PRR16: variants seen among roughly 807,000 people sequenced by gnomAD.
PRR16 encodes the protein protein Largen.
PRR16 carries 6 observed loss-of-function variants against 18.2 expected under a neutral mutation model. The observed-to-expected ratio is 0.33, with a 90% CI of 0.18 to 0.65. PRR16 has a LOEUF of 0.65. Ranked by LOEUF, PRR16 falls within the 30% of genes least tolerant of loss-of-function variation. The pLI, the probability that PRR16 is intolerant of heterozygous loss-of-function variation, is 0.74. For synonymous variants in PRR16, 151 were observed against 147.8 expected, an observed-to-expected ratio of 1.02 and a Z score of -0.16; for missense variants, 412 against 376.6, an observed-to-expected ratio of 1.09 and a Z score of -0.78.
intron 1 of PRR16, among the ~76,000 whole-genome samples, chr5:120,624,699 G>T (rs1248298197): frequency 6.6e-6 from 1 of 152,104 alleles, no homozygotes; most frequent in Admixed American, 6.6e-5. Context: ...AACTGCTCCT[G>T]ATCATAATGT....
At chr5:120,604,315 T>A (rs1240512405) in intron 1 of PRR16, among the ~76,000 whole-genome samples, 1 of 152,130 alleles carries the variant, frequency 6.6e-6, no homozygotes, top group African/African-American at 2.4e-5. Flanking sequence ...ATATCCTTCC[T>A]TGTCCTTTTT....
chr5:120,558,071 G>A (rs1752471552), intron 1 of PRR16, among the ~76,000 whole-genome samples: 1 of 151,784 alleles, frequency 6.6e-6, no homozygotes, highest in Non-Finnish European at 1.5e-5. Flanking sequence ...ATACAGTCAT[G>A]CAATGCATAA....
Position 120,623,926 on chromosome 5 carries a change from G to A in PRR16, c.160-62028G>A, listed in dbSNP as rs562869759. On this transcript the variant is annotated intron_variant, in intron 1 of 1. Coordinates refer to ENST00000407149, the MANE Select transcript of PRR16 (RefSeq NM_001300783.2). ...CATAATATATAATAATATATTATTT[G>A]TATATAACAACTATTAATGTAGAGA... 4.0e-5 allele frequency among the ~76,000 whole-genome samples: 6 copies of A among 151,860 alleles called. No individual in the cohort carries two copies. In the East Asian group the frequency reaches 1.2e-3, roughly 29 times the overall value.
At chr5:120,674,358 A>G (rs1756723313) in intron 1 of PRR16, among the ~76,000 whole-genome samples, 1 of 152,154 alleles carries the variant, frequency 6.6e-6, no homozygotes. Context: ...TATCTCGTTA[A>G]TTAACTTTTA....
At chr5:120,781,113 C>G in the PRR16 span, 1 of 152,000 alleles carries the variant, frequency 6.6e-6, no homozygotes, top group Non-Finnish European at 1.5e-5. Flanking sequence ...TTTATTTCAA[C>G]TGAATTAATT....
chr5:120,529,310 G>T (rs1485194358), intron 1 of PRR16, among the ~76,000 whole-genome samples: 2 of 152,246 alleles, frequency 1.3e-5, no homozygotes, highest in Admixed American at 6.5e-5. Context: ...ACATAAAATT[G>T]ATGCGGAGGC....
chr5:120,709,300 C>T, the PRR16 span, among the ~76,000 whole-genome samples: 6 of 151,986 alleles, frequency 3.9e-5, no homozygotes, highest in African/African-American at 1.5e-4. Flanking sequence ...AGCCACCGCA[C>T]CCGGCCGCAA....
chr5:120,470,523 A>G (rs1257401709), intron 1 of PRR16, among the ~76,000 whole-genome samples: 2 of 152,172 alleles, frequency 1.3e-5, no homozygotes, highest in African/African-American at 4.8e-5. Context: ...TTCTTGAATG[A>G]TATAGATCGT....
At chr5:120,517,263 A>G (rs17491078) in intron 1 of PRR16, among the ~76,000 whole-genome samples, 29,252 of 152,078 alleles carry the variant, frequency 0.19, 3,000 homozygotes, top group Middle Eastern at 0.24. Context: ...GAGTAGTACA[A>G]TCAATGCATG....
the PRR16 span, among the ~76,000 whole-genome samples, chr5:120,694,475 G>T: frequency 6.6e-6 from 1 of 152,024 alleles, no homozygotes; most frequent in Admixed American, 6.6e-5. Flanking sequence ...ACGAGGTCAG[G>T]AGATCGAGAC....
At chr5:120,655,387 T>TAA (rs778038205) in intron 1 of PRR16, among the ~76,000 whole-genome samples, 157 of 100,204 alleles carry the variant, frequency 1.6e-3, no homozygotes, top group African/African-American at 4.2e-3. Context: ...TTTTTTTTTT[T>TAA]TAAAAAAAAA....
At chr5:120,581,739 A>C (rs187204178) in intron 1 of PRR16, among the ~76,000 whole-genome samples, 2 of 152,090 alleles carry the variant, frequency 1.3e-5, no homozygotes, top group African/African-American at 4.8e-5. Flanking sequence ...CCTTGGTTTC[A>C]AAAAACTTGA....
intron 1 of PRR16, among the ~76,000 whole-genome samples, chr5:120,568,275 T>C (rs1382756186): frequency 6.6e-6 from 1 of 152,098 alleles, no homozygotes; most frequent in East Asian, 1.9e-4. Context: ...CTCAGGGACA[T>C]TGTGGATCGA....
intron 1 of PRR16, among the ~76,000 whole-genome samples, chr5:120,497,049 A>G (rs10065330): frequency 0.27 from 41,587 of 151,994 alleles, 7,013 homozygotes; most frequent in African/African-American, 0.48. Context: ...ATTTGATTCT[A>G]TTGAAGTAAG....
intron 1 of PRR16, among the ~76,000 whole-genome samples, chr5:120,503,975 T>C (rs1029826109): frequency 3.3e-5 from 5 of 152,130 alleles, no homozygotes; most frequent in African/African-American, 1.2e-4. Context: ...GAACTCATCA[T>C]TTTTTATGGC....
chr5:120,518,388 G>T (rs1353134353), intron 1 of PRR16, among the ~76,000 whole-genome samples: 1 of 152,060 alleles, frequency 6.6e-6, no homozygotes, highest in East Asian at 1.9e-4. Flanking sequence ...TGGGGTCCTT[G>T]AGAGGGAATT....
chr5:120,754,281 TA>T, the PRR16 span, among the ~76,000 whole-genome samples: 5 of 39,782 alleles, frequency 1.3e-4, no homozygotes, highest in African/African-American at 2.9e-4. Context: ...AAATAATATA[TA>T]AATATATAAT....
rs745390223 is a variant in PRR16, at chr5:120,686,591, G to A, written c.797G>A (p.Gly266Glu). The stretch of plus-strand genomic sequence containing the variant: ...CCTCCTTTCCCACTAGAAAATGGGG[G>A]AATGGGAATAAGCCACAGTAACAGC... The part of the protein sequence containing the change: ...HLPPFPLENG[G>E]MGISHSNSFP... The change falls in exon 2 of 2, where the codon GGA becomes GAA. Residue 266 changes from glycine (G) to glutamate (E), a missense_variant. Transcript: ENST00000407149. The A allele has an allele frequency of 6.2e-7, 1 of 1,613,468 alleles. No individual in the cohort carries two copies.
intron 1 of PRR16, among the ~76,000 whole-genome samples, chr5:120,666,046 G>A (rs1006696358): frequency 3.9e-5 from 6 of 152,024 alleles, no homozygotes; most frequent in Non-Finnish European, 7.4e-5. Context: ...AATTACCTTG[G>A]GCAGTATGGC....
Sources: allele counts gnomAD v4.1 joint callset (sites outside exome capture counted in the v4.1 genomes callset), GRCh38; gene constraint gnomAD v4.1.1; transcripts MANE v1.5; gene names NCBI Gene and HGNC (gene_info 2026-07-23, HGNC 2026-07-21).